EBF1: variants seen among roughly 807,000 people sequenced by gnomAD.
EBF1 encodes EBF transcription factor 1, also known as transcription factor COE1.
Under a neutral mutation model 68.4 loss-of-function variants are expected in EBF1, and 10 were observed. The ratio of observed to expected loss-of-function variants is 0.15; its 90% CI spans 0.09 to 0.25. The LOEUF (loss-of-function observed/expected upper bound fraction) is 0.25, where lower values mean the gene tolerates loss of function less well. Among genes scored for constraint, EBF1 ranks in the 10% least tolerant of loss-of-function variants. The pLI, the probability that EBF1 is intolerant of heterozygous loss-of-function variation, is 1.00. For missense variants in EBF1, 509 were observed against 794.4 expected, an observed-to-expected ratio of 0.64 and a Z score of 4.32; for synonymous variants, 298 against 299.8, an observed-to-expected ratio of 0.99 and a Z score of 0.06.
chr5:158,837,531 C>A (rs1789081762), intron 7 of EBF1, among the ~76,000 whole-genome samples: 1 of 152,180 alleles, frequency 6.6e-6, no homozygotes, highest in South Asian at 2.1e-4. Flanking sequence ...ATAAGACTTT[C>A]CAGATATCTA....
At chr5:158,807,351 G>T (rs1781780853) in intron 8 of EBF1, among the ~76,000 whole-genome samples, 3 of 152,160 alleles carry the variant, frequency 2.0e-5, no homozygotes, top group African/African-American at 7.2e-5. Context: ...TGTAGAGTAT[G>T]TGCTTCATCC....
At chr5:158,794,168 T>C (rs1474218345) in intron 9 of EBF1, among the ~76,000 whole-genome samples, 1 of 152,094 alleles carries the variant, frequency 6.6e-6, no homozygotes, top group Non-Finnish European at 1.5e-5. Flanking sequence ...TGAAGGAGCA[T>C]GCATCCTCCA....
At chr5:158,709,530 G>A (rs569573308) in intron 14 of EBF1, among the ~76,000 whole-genome samples, 2 of 152,306 alleles carry the variant, frequency 1.3e-5, no homozygotes, top group African/African-American at 2.4e-5. Context: ...AGAGTCAAAG[G>A]AGCTGTTTGG....
chr5:158,738,552 T>C lies in EBF1; in HGVS notation c.1037-7395A>G, dbSNP rs142669814. Among the ~76,000 whole-genome samples, 4 of 152,360 alleles carry C rather than the reference T, an allele frequency of 2.6e-5. No individual in the cohort carries two copies. In the East Asian group the frequency reaches 7.7e-4, roughly 29 times the overall value. On this transcript the variant is annotated intron_variant, in intron 10 of 15. Coordinates refer to ENST00000313708, the MANE Select transcript of EBF1 (RefSeq NM_024007.5). ...CCTTGTAGAGGTGCCATTTTAAACA[T>C]ACCCTGAGGTCATATAAGACTCTTT...
intron 8 of EBF1, among the ~76,000 whole-genome samples, chr5:158,820,581 C>A (rs1045847293): frequency 2.6e-5 from 4 of 152,188 alleles, no homozygotes; most frequent in African/African-American, 9.7e-5. Context: ...CATGTCTACC[C>A]TTTCTTTCCA....
chr5:158,780,987 G>A (rs928596400), intron 9 of EBF1, among the ~76,000 whole-genome samples: 1 of 152,108 alleles, frequency 6.6e-6, no homozygotes, highest in Admixed American at 6.5e-5. Flanking sequence ...ATTTGGGCTA[G>A]AAATAAATAT....
At chr5:158,872,112 C>G (rs1196091899) in intron 6 of EBF1, among the ~76,000 whole-genome samples, 1 of 152,150 alleles carries the variant, frequency 6.6e-6, no homozygotes, top group African/African-American at 2.4e-5. Flanking sequence ...ATGCAGTCAT[C>G]CCAACCCCAT....
At chr5:158,811,020 T>A (rs959588246) in intron 8 of EBF1, among the ~76,000 whole-genome samples, 2 of 152,148 alleles carry the variant, frequency 1.3e-5, no homozygotes, top group Non-Finnish European at 2.9e-5. Context: ...AAATCTCTTT[T>A]TTTTGAGGAT....
chr5:158,758,657 C>T (rs142285807), intron 10 of EBF1, among the ~76,000 whole-genome samples: 21 of 152,150 alleles, frequency 1.4e-4, no homozygotes, highest in African/African-American at 5.1e-4. Flanking sequence ...ATGTTGCTTG[C>T]CACTTTCTTT....
intron 6 of EBF1, among the ~76,000 whole-genome samples, chr5:158,904,754 A>G (rs1208325806): frequency 6.6e-6 from 1 of 152,106 alleles, no homozygotes; most frequent in Non-Finnish European, 1.5e-5. Flanking sequence ...GGGACCTGGT[A>G]TATTGGTGAC....
chr5:158,720,720 T>C (rs1044526493), intron 11 of EBF1, among the ~76,000 whole-genome samples: 2 of 152,184 alleles, frequency 1.3e-5, no homozygotes, highest in African/African-American at 4.8e-5. Flanking sequence ...ATGGATATAA[T>C]TAAACATGTT....
chr5:159,096,488 T>G, intron 2 of EBF1, 82 bp from the exon 3 acceptor site: 2 of 1,521,852 alleles, frequency 1.3e-6, no homozygotes, highest in Non-Finnish European at 9.0e-7. Context: ...TCGAGGCAAC[T>G]TTCCCCAAGC....
intron 8 of EBF1, among the ~76,000 whole-genome samples, chr5:158,803,948 G>C (rs1264551399): frequency 1.0e-4 from 12 of 114,486 alleles, no homozygotes; most frequent in Non-Finnish European, 3.8e-5. Context: ...TCGTGTGTGT[G>C]TCTGTGTGTG....
chr5:158,956,654 T>A (rs1426709061), intron 6 of EBF1, among the ~76,000 whole-genome samples: 1 of 151,808 alleles, frequency 6.6e-6, no homozygotes, highest in African/African-American at 2.4e-5. Context: ...TTGAAAATAT[T>A]GAAAATATTA....
At chr5:159,078,168 AGAGT>A (rs1021912926) in intron 5 of EBF1, among the ~76,000 whole-genome samples, 4 of 152,234 alleles carry the variant, frequency 2.6e-5, no homozygotes, top group African/African-American at 9.6e-5. Flanking sequence ...AGAGCCGAGC[AGAGT>A]GAGGACCTCT....
rs187574382 is a variant in EBF1, at chr5:159,077,336, G to A, written c.486-3872C>T. Among the ~76,000 whole-genome samples the A allele has an allele frequency of 1.2e-3, 178 of 152,262 alleles. 1 individual carries two copies. In the East Asian group the frequency reaches 0.015, roughly 13 times the overall value. ...TGCCTGTGATCCCAGCTACTCAGGA[G>A]GCTGAGGCAGGAGAATCGGTTGAAC... On this transcript the variant is annotated intron_variant, in intron 5 of 15. Coordinates refer to ENST00000313708, the MANE Select transcript of EBF1 (RefSeq NM_024007.5).
chr5:158,779,932 AAGC>A (rs906102790), intron 9 of EBF1, among the ~76,000 whole-genome samples: 2 of 152,176 alleles, frequency 1.3e-5, no homozygotes, highest in Non-Finnish European at 2.9e-5. Context: ...GCCCTAACTA[AAGC>A]AGAGATTCCT....
At chr5:158,756,854 A>G (rs1397551604) in intron 10 of EBF1, among the ~76,000 whole-genome samples, 1 of 151,914 alleles carries the variant, frequency 6.6e-6, no homozygotes, top group Non-Finnish European at 1.5e-5. Context: ...ACATTCTACC[A>G]CAGATTTAAA....
chr5:158,701,842 T>G (rs891663518), intron 15 of EBF1, among the ~76,000 whole-genome samples: 3 of 152,204 alleles, frequency 2.0e-5, no homozygotes, highest in Non-Finnish European at 4.4e-5. Flanking sequence ...CTACCTCGCC[T>G]TCATCAGCCG....
Sources: gnomAD v4.1 joint callset for allele counts (sites outside exome capture counted in the v4.1 genomes callset) on GRCh38, gnomAD v4.1.1 for gene constraint, MANE v1.5 for transcripts, NCBI Gene and HGNC (gene_info 2026-07-23, HGNC 2026-07-21) for gene names.